LRMDA: variants seen among roughly 807,000 people sequenced by gnomAD.
LRMDA encodes the protein leucine-rich melanocyte differentiation-associated protein.
A neutral mutation model predicts 29.8 loss-of-function variants in LRMDA; 18 were observed. The ratio of observed to expected loss-of-function variants is 0.60; its 90% CI spans 0.42 to 0.90. The LOEUF is 0.90. LRMDA is among the 40% of genes least tolerant of loss of function. The probability of loss-of-function intolerance (pLI) is 0.00; values close to 1 mark genes in which losing one functional copy is unlikely to be tolerated. For missense variants in LRMDA, 273 were observed against 273.9 expected, an observed-to-expected ratio of 1.00 and a Z score of 0.02; for synonymous variants, 125 against 109.4, an observed-to-expected ratio of 1.14 and a Z score of -0.89.
At chr10:76,033,466 G>C (rs578223913) in intron 2 of LRMDA, among the ~76,000 whole-genome samples, 1 of 152,148 alleles carries the variant, frequency 6.6e-6, no homozygotes, top group Non-Finnish European at 1.5e-5. Flanking sequence ...GGGAAGAAAG[G>C]CTGGCTGGAT....
intron 2 of LRMDA, among the ~76,000 whole-genome samples, chr10:75,906,792 T>C (rs906496312): frequency 6.6e-6 from 1 of 152,268 alleles, no homozygotes; most frequent in Non-Finnish European, 1.5e-5. Flanking sequence ...TTATTTCTAA[T>C]GTGGTGCCTC....
chr10:75,812,701 A>G (rs896331092), intron 2 of LRMDA, among the ~76,000 whole-genome samples: 3 of 152,190 alleles, frequency 2.0e-5, no homozygotes, highest in Admixed American at 1.3e-4. Context: ...CATTATTCAC[A>G]TACATTTTCT....
intron 5 of LRMDA, among the ~76,000 whole-genome samples, chr10:76,104,019 G>A (rs1376911600): frequency 6.6e-6 from 1 of 151,352 alleles, no homozygotes; most frequent in African/African-American, 2.4e-5. Flanking sequence ...CTGCACTCCA[G>A]CCTGGGTGAC....
At chr10:76,025,298 G>A (rs997230002) in intron 2 of LRMDA, among the ~76,000 whole-genome samples, 21 of 146,626 alleles carry the variant, frequency 1.4e-4, no homozygotes, top group Non-Finnish European at 2.1e-4. Context: ...TATGTTCCTG[G>A]AGAGACACCT....
At chr10:76,354,459 ACCAAGAGTCACTTGGTATTGG>A (rs1415346536) in intron 6 of LRMDA, among the ~76,000 whole-genome samples, 1 of 152,192 alleles carries the variant, frequency 6.6e-6, no homozygotes, top group Non-Finnish European at 1.5e-5. Context: ...TCCAGATAAT[ACCAAGAGTCACTTGGTATTGG>A]CCAAGAGTCA....
intron 2 of LRMDA, among the ~76,000 whole-genome samples, chr10:75,545,669 G>T (rs929817597): frequency 6.6e-6 from 1 of 152,164 alleles, no homozygotes; most frequent in Non-Finnish European, 1.5e-5. Context: ...CCAGAGAGGG[G>T]AGATTACCCA....
chr10:75,523,806 C>T (rs931279723), intron 2 of LRMDA, among the ~76,000 whole-genome samples: 1 of 152,154 alleles, frequency 6.6e-6, no homozygotes, highest in Non-Finnish European at 1.5e-5. Flanking sequence ...TTCTTCCCTG[C>T]ATCCTTTCTT....
At chr10:75,482,939 T>G in intron 2 of LRMDA, among the ~76,000 whole-genome samples, 1 of 152,016 alleles carries the variant, frequency 6.6e-6, no homozygotes, top group East Asian at 1.9e-4. Context: ...TAACCTTTCC[T>G]TTCCTTTCCT....
At chr10:75,900,558 G>GA (rs1381075003) in intron 2 of LRMDA, among the ~76,000 whole-genome samples, 2 of 152,160 alleles carry the variant, frequency 1.3e-5, no homozygotes, top group Non-Finnish European at 2.9e-5. Context: ...AAGGGCACAA[G>GA]AAAAAAGAGA....
chr10:75,641,740 C>A (rs891218899), intron 2 of LRMDA, among the ~76,000 whole-genome samples: 1 of 151,822 alleles, frequency 6.6e-6, no homozygotes, highest in Admixed American at 6.6e-5. Context: ...AAGCCCTTGC[C>A]GTGATTTAGA....
At chr10:75,496,400 A>G (rs1845044772) in intron 2 of LRMDA, among the ~76,000 whole-genome samples, 1 of 152,260 alleles carries the variant, frequency 6.6e-6, no homozygotes, top group South Asian at 2.1e-4. Flanking sequence ...CTTAGCACAT[A>G]GTAGGTCCTC....
At chr10:75,780,001 C>T (rs187154377) in intron 2 of LRMDA, among the ~76,000 whole-genome samples, 2 of 152,178 alleles carry the variant, frequency 1.3e-5, no homozygotes, top group East Asian at 3.9e-4. Flanking sequence ...GATCTAGACA[C>T]AGAGACACAC....
chr10:76,129,686 G>A (rs1849950909), intron 5 of LRMDA, among the ~76,000 whole-genome samples: 1 of 152,050 alleles, frequency 6.6e-6, no homozygotes, highest in African/African-American at 2.4e-5. Context: ...TCTCAGTGTG[G>A]GGTTCCACAG....
intron 2 of LRMDA, among the ~76,000 whole-genome samples, chr10:75,708,676 C>T (rs1360587913): frequency 2.0e-5 from 3 of 152,012 alleles, no homozygotes; most frequent in East Asian, 3.9e-4. Flanking sequence ...AAAATCCCAC[C>T]TCAAAAATGT....
At chr10:76,527,765 C>G (rs543089941) in intron 6 of LRMDA, among the ~76,000 whole-genome samples, 1 of 152,212 alleles carries the variant, frequency 6.6e-6, no homozygotes, top group South Asian at 2.1e-4. Context: ...CTCTAAAACT[C>G]CATGGGATAT....
At chr10:75,486,097 A>G (rs1452079006) in intron 2 of LRMDA, among the ~76,000 whole-genome samples, 3 of 152,052 alleles carry the variant, frequency 2.0e-5, no homozygotes, top group Non-Finnish European at 2.9e-5. Flanking sequence ...TTTGTGTTCT[A>G]GGTATTTTGG....
intron 2 of LRMDA, among the ~76,000 whole-genome samples, chr10:75,863,974 A>G (rs192267956): frequency 6.6e-6 from 1 of 152,228 alleles, no homozygotes; most frequent in Non-Finnish European, 1.5e-5. Flanking sequence ...CAGTCTTCTC[A>G]TCTATCATGT....
intron 5 of LRMDA, among the ~76,000 whole-genome samples, chr10:76,097,514 C>G (rs997931785): frequency 2.6e-5 from 4 of 152,204 alleles, no homozygotes; most frequent in Non-Finnish European, 4.4e-5. Flanking sequence ...GAAAGGAAGA[C>G]AGCCAGGCTA....
intron 2 of LRMDA, among the ~76,000 whole-genome samples, chr10:75,573,682 CT>C (rs1352213975): frequency 6.6e-6 from 1 of 152,096 alleles, no homozygotes; most frequent in Non-Finnish European, 1.5e-5. Context: ...GTTCCTATGC[CT>C]TTTTAACTTG....
Sources: allele counts gnomAD v4.1 joint callset (sites outside exome capture counted in the v4.1 genomes callset), GRCh38; gene constraint gnomAD v4.1.1; transcripts MANE v1.5; gene names NCBI Gene and HGNC (gene_info 2026-07-23, HGNC 2026-07-21).